CSMD3: variants seen among roughly 807,000 people sequenced by gnomAD.
CSMD3 encodes the protein CUB and sushi domain-containing protein 3.
CSMD3 carries 177 observed loss-of-function variants against 435.2 expected under a neutral mutation model. The observed-to-expected ratio is 0.41, with a 90% CI of 0.36 to 0.46. The LOEUF is 0.46. Ranked by LOEUF, CSMD3 falls within the 20% of genes least tolerant of loss-of-function variation. The pLI is 0.34. For missense variants in CSMD3, 4,265 were observed against 4,504.6 expected (o/e 0.95, Z 1.52); for synonymous variants, 1,656 against 1,520.5 (o/e 1.09, Z -2.07).
At chr8:112,656,762 A>G (rs1013116312) in intron 17 of CSMD3, among the ~76,000 whole-genome samples, 2 of 152,106 alleles carry the variant, frequency 1.3e-5, no homozygotes, top group African/African-American at 4.8e-5. Context: ...ATCTGCTTTT[A>G]TAATTATTTT....
At chr8:112,250,653 C>A (rs1180530553) in intron 63 of CSMD3, among the ~76,000 whole-genome samples, 1 of 151,342 alleles carries the variant, frequency 6.6e-6, no homozygotes, top group Non-Finnish European at 1.5e-5. Flanking sequence ...TTATCAAATT[C>A]AAAAAATTCT....
chr8:112,971,526 A>G (rs1341438476), intron 7 of CSMD3, among the ~76,000 whole-genome samples: 3 of 152,156 alleles, frequency 2.0e-5, no homozygotes, highest in Non-Finnish European at 2.9e-5. Flanking sequence ...AATGCTTATA[A>G]CAACCCTGAT....
intron 4 of CSMD3, among the ~76,000 whole-genome samples, chr8:113,144,327 G>C (rs1008940589): frequency 6.6e-6 from 1 of 151,164 alleles, no homozygotes; most frequent in Non-Finnish European, 1.5e-5. Context: ...AGTTAGTTTT[G>C]ATAGGATCAA....
intron 3 of CSMD3, among the ~76,000 whole-genome samples, chr8:113,260,515 G>A (rs2093418407): frequency 6.6e-6 from 1 of 152,076 alleles, no homozygotes; most frequent in Non-Finnish European, 1.5e-5. Context: ...CTATTTCTAT[G>A]GCTGTATATT....
At chr8:112,639,395 A>C (rs1255694721) in intron 20 of CSMD3, among the ~76,000 whole-genome samples, 1 of 152,160 alleles carries the variant, frequency 6.6e-6, no homozygotes, top group African/African-American at 2.4e-5. Context: ...TGTTAGATGA[A>C]TGTAATTATT....
intron 53 of CSMD3, 138 bp from the exon 54 acceptor site, chr8:112,296,144 A>G: frequency 1.4e-6 from 1 of 694,388 alleles, no homozygotes; most frequent in Non-Finnish European, 2.5e-6. Flanking sequence ...ACTATATGAC[A>G]TAAAGGTAAC....
At chr8:113,392,097 A>G (rs545991764) in intron 1 of CSMD3, among the ~76,000 whole-genome samples, 4 of 152,212 alleles carry the variant, frequency 2.6e-5, no homozygotes, top group African/African-American at 9.6e-5. Context: ...TCTTGAAACC[A>G]CTGTAAAAAC....
Position 112,337,708 on chromosome 8 carries a change from C to T in CSMD3, c.6676G>A (p.Asp2226Asn), listed in dbSNP as rs1824715099. ...YQAYQLQSCP[D>N]PRPFRNGFVI... ...AAACCATTTCGAAACGGGCGTGGAT[C>T]AGGACAGCTTTGCAACTGATAGGCT... The change falls in exon 43 of 71, where the codon GAT becomes AAT. Residue 2226 changes from aspartate (D) to asparagine (N), a missense_variant. Physicochemically the swap from Asp to Asn is conservative, Grantham distance 23 (BLOSUM62 1). This residue lies in a region of CSMD3 where 3,255 missense variants were observed against 3,380.2 expected (regional missense o/e 0.96). Transcript: ENST00000297405. The T allele has an allele frequency of 6.2e-7, 1 of 1,613,500 alleles. No homozygotes were observed. Among genetic ancestry groups the T allele is most frequent in the Non-Finnish European group, 8.5e-7 (1 of 1,179,658 alleles).
chr8:112,993,267 T>A (rs2085522071), intron 6 of CSMD3, among the ~76,000 whole-genome samples: 1 of 151,808 alleles, frequency 6.6e-6, no homozygotes, highest in African/African-American at 2.4e-5. Context: ...GAAAGGCCAG[T>A]GTAATTGGCA....
At chr8:112,962,943 G>A (rs1375540065) in intron 7 of CSMD3, among the ~76,000 whole-genome samples, 1 of 151,936 alleles carries the variant, frequency 6.6e-6, no homozygotes, top group Non-Finnish European at 1.5e-5. Context: ...GAGCACTACT[G>A]AGAACTATTG....
chr8:112,381,788 C>T (rs1227582494), intron 37 of CSMD3, among the ~76,000 whole-genome samples: 1 of 152,086 alleles, frequency 6.6e-6, no homozygotes, highest in African/African-American at 2.4e-5. Context: ...CCAGGTGGGT[C>T]CCAATCTCAT....
At chr8:113,203,392 G>T (rs1010428392) in intron 3 of CSMD3, among the ~76,000 whole-genome samples, 1 of 151,756 alleles carries the variant, frequency 6.6e-6, no homozygotes, top group Non-Finnish European at 1.5e-5. Flanking sequence ...CCTCCACCAT[G>T]GACCTCTTGG....
chr8:113,058,557 C>T (rs1286883783), intron 5 of CSMD3, among the ~76,000 whole-genome samples: 1 of 151,642 alleles, frequency 6.6e-6, no homozygotes, highest in Non-Finnish European at 1.5e-5. Flanking sequence ...TCAATTTATT[C>T]ATTAGCATTC....
At chr8:113,374,930 G>A (rs1283706127) in intron 1 of CSMD3, among the ~76,000 whole-genome samples, 1 of 150,486 alleles carries the variant, frequency 6.6e-6, no homozygotes, top group Non-Finnish European at 1.5e-5. Context: ...CCGTGGCCAA[G>A]CACTTATCAT....
At chr8:112,955,040 AG>A (rs1484392452) in intron 7 of CSMD3, among the ~76,000 whole-genome samples, 1 of 151,616 alleles carries the variant, frequency 6.6e-6, no homozygotes, top group African/African-American at 2.4e-5. Flanking sequence ...TTTATATAAA[AG>A]TGAAATCTTA....
chr8:112,596,089 A>C (rs1364366895), intron 22 of CSMD3, among the ~76,000 whole-genome samples: 1 of 151,620 alleles, frequency 6.6e-6, no homozygotes, highest in Non-Finnish European at 1.5e-5. Flanking sequence ...TAAAGAGTCA[A>C]GACCCATCAA....
At chr8:112,904,886 T>G (rs1228608349) in intron 10 of CSMD3, among the ~76,000 whole-genome samples, 2 of 151,404 alleles carry the variant, frequency 1.3e-5, no homozygotes, top group African/African-American at 2.4e-5. Flanking sequence ...CTCTCTAAAG[T>G]AGACACTGAT....
intron 3 of CSMD3, among the ~76,000 whole-genome samples, chr8:113,248,760 T>C (rs1047700036): frequency 1.3e-5 from 2 of 151,648 alleles, no homozygotes; most frequent in African/African-American, 4.8e-5. Context: ...CCTGCACATA[T>C]ATGATATACA....
intron 22 of CSMD3, among the ~76,000 whole-genome samples, chr8:112,628,977 G>A (rs1027174118): frequency 1.3e-5 from 2 of 152,130 alleles, no homozygotes; most frequent in African/African-American, 4.8e-5. Flanking sequence ...AATCAAATTT[G>A]CATCACAGGA....
Sources: gnomAD v4.1 joint callset for allele counts (sites outside exome capture counted in the v4.1 genomes callset) on GRCh38, gnomAD v4.1.1 for gene constraint, gnomAD v4.1.1 regional missense constraint, MANE v1.5 for transcripts, NCBI Gene and HGNC (gene_info 2026-07-23, HGNC 2026-07-21) for gene names.